Variants in HECW2 observed in about 807,000 individuals in gnomAD.
HECW2 encodes HECT, C2 and WW domain containing E3 ubiquitin protein ligase 2, also known as E3 ubiquitin-protein ligase HECW2.
A neutral mutation model predicts 175.2 loss-of-function variants in HECW2; 61 were observed. The observed-to-expected ratio is 0.35, with a 90% CI of 0.28 to 0.43. HECW2 has a LOEUF of 0.43. HECW2 is among the 20% of genes least tolerant of loss of function. The probability of loss-of-function intolerance (pLI) is 1.00; values close to 1 mark genes in which losing one functional copy is unlikely to be tolerated. For missense variants in HECW2, 1,524 were observed against 2,000.5 expected (o/e 0.76, Z 4.54); for synonymous variants, 671 against 731.0 (o/e 0.92, Z 1.32).
intron 1 of HECW2, among the ~76,000 whole-genome samples, chr2:196,433,728 G>C (rs1050657599): frequency 6.6e-6 from 1 of 152,128 alleles, no homozygotes; most frequent in South Asian, 2.1e-4. Flanking sequence ...AAGGAGGAGA[G>C]GATTTCCTTG....
At chr2:196,240,282 A>C in intron 21 of HECW2, 167 bp downstream of exon 21, 1 of 414,666 alleles carries the variant, frequency 2.4e-6, no homozygotes. Flanking sequence ...GTGATTTAAA[A>C]GCCAGAGGAG....
In HECW2 at chr2:196,386,063, C is replaced by T. The variant is rs535338445; in HGVS notation, c.293-42299G>A. On this transcript the variant is annotated intron_variant, in intron 2 of 28. Transcript: ENST00000644978. ...ATAACTTCATGAAGAATCGGACTAA[C>T]GAGATGGTAGAAAGACTAATTAACT... is the stretch of plus-strand genomic sequence containing the variant. Among the ~76,000 whole-genome samples, 8 of 152,178 alleles carry T rather than the reference C, an allele frequency of 5.3e-5. No homozygotes were observed. In the East Asian group the frequency reaches 5.8e-4, roughly 11 times the overall value.
chr2:196,511,555 A>G (rs1331030602), intron 1 of HECW2, among the ~76,000 whole-genome samples: 2 of 152,258 alleles, frequency 1.3e-5, no homozygotes, highest in African/African-American at 4.8e-5. Context: ...GCAGAGATGG[A>G]TCTTCACAGA....
intron 19 of HECW2, among the ~76,000 whole-genome samples, chr2:196,248,643 G>A (rs963871745): frequency 1.3e-5 from 2 of 150,450 alleles, no homozygotes; most frequent in Non-Finnish European, 3.0e-5. Context: ...GAGAGAGACA[G>A]AGAGGAATAG....
chr2:196,213,435 T>C (rs935977626), intron 28 of HECW2, among the ~76,000 whole-genome samples: 4 of 152,184 alleles, frequency 2.6e-5, no homozygotes, highest in South Asian at 2.1e-4. Context: ...TAGTGTGTCA[T>C]AGGGCTTAGA....
intron 1 of HECW2, among the ~76,000 whole-genome samples, chr2:196,489,138 G>A (rs148198472): frequency 1.3e-5 from 2 of 152,292 alleles, no homozygotes; most frequent in Non-Finnish European, 2.9e-5. Context: ...GAGGTAATAA[G>A]TCCTTGGCAT....
intron 2 of HECW2, among the ~76,000 whole-genome samples, chr2:196,416,257 T>C (rs994132633): frequency 6.6e-6 from 1 of 152,186 alleles, no homozygotes; most frequent in African/African-American, 2.4e-5. Flanking sequence ...CTCTCTCCTA[T>C]GCCTAGGGCT....
intron 3 of HECW2, among the ~76,000 whole-genome samples, chr2:196,335,228 A>G (rs772987477): frequency 7.9e-5 from 12 of 152,202 alleles, no homozygotes; most frequent in Admixed American, 3.3e-4. Flanking sequence ...TTTTTTTCTG[A>G]TAATTCCACT....
chr2:196,260,232 A>AT (rs1237003188), intron 17 of HECW2: 2 of 152,218 alleles, frequency 1.3e-5, no homozygotes, highest in Non-Finnish European at 2.9e-5. Flanking sequence ...AACTGGTCTG[A>AT]TTTTTCAGGT....
intron 1 of HECW2, among the ~76,000 whole-genome samples, chr2:196,515,631 G>T (rs1424142978): frequency 6.6e-6 from 1 of 152,062 alleles, no homozygotes; most frequent in Non-Finnish European, 1.5e-5. Context: ...TTCTCCAACA[G>T]GCAAATTCTT....
At chr2:196,443,656 C>G (rs1474154084) in intron 1 of HECW2, among the ~76,000 whole-genome samples, 1 of 152,186 alleles carries the variant, frequency 6.6e-6, no homozygotes, top group Non-Finnish European at 1.5e-5. Context: ...ATAGTCTATT[C>G]AAGTGTCAAA....
chr2:196,510,047 T>G (rs566203105), intron 1 of HECW2, among the ~76,000 whole-genome samples: 1 of 152,290 alleles, frequency 6.6e-6, no homozygotes, highest in Non-Finnish European at 1.5e-5. Context: ...TTTACCACTT[T>G]TGGAAGAAAC....
intron 17 of HECW2, among the ~76,000 whole-genome samples, chr2:196,266,589 C>T (rs1689527049): frequency 6.6e-6 from 1 of 152,104 alleles, no homozygotes; most frequent in African/African-American, 2.4e-5. Context: ...GAAGTAAATT[C>T]ATGCTATTTT....
intron 1 of HECW2, among the ~76,000 whole-genome samples, chr2:196,540,435 CT>C (rs757731374): frequency 5.9e-5 from 9 of 151,838 alleles, no homozygotes; most frequent in Non-Finnish European, 8.8e-5. Flanking sequence ...ATTTTTCTTT[CT>C]TTTTTTTATT....
intron 1 of HECW2, among the ~76,000 whole-genome samples, chr2:196,554,281 G>A (rs1689717582): frequency 6.6e-6 from 1 of 151,788 alleles, no homozygotes; most frequent in South Asian, 2.1e-4. Flanking sequence ...AGCGGAGATC[G>A]CGCCACAGCA....
chr2:196,234,492 A>G (rs1251267982), intron 21 of HECW2, among the ~76,000 whole-genome samples: 1 of 151,972 alleles, frequency 6.6e-6, no homozygotes. Context: ...ATGGGGTCTC[A>G]CTATGTTGCC....
At chr2:196,271,135 C>T in intron 17 of HECW2, 58 bp downstream of exon 17, 1 of 1,000,050 alleles carries the variant, frequency 1.0e-6, no homozygotes, top group South Asian at 1.4e-5. Flanking sequence ...ATCAGTAAAA[C>T]TAAGATTTAA....
intron 1 of HECW2, among the ~76,000 whole-genome samples, chr2:196,478,649 T>G (rs1416081296): frequency 1.3e-5 from 2 of 151,830 alleles, no homozygotes; most frequent in South Asian, 2.1e-4. Flanking sequence ...AAAAAAAGTA[T>G]GTCAAAAGAG....
chr2:196,564,181 A>G (rs778038439), intron 1 of HECW2, among the ~76,000 whole-genome samples: 5 of 152,236 alleles, frequency 3.3e-5, no homozygotes, highest in African/African-American at 4.8e-5. Context: ...CAAATCCAGA[A>G]TATAGAACAT....
Sources: allele counts gnomAD v4.1 joint callset (sites outside exome capture counted in the v4.1 genomes callset), GRCh38; gene constraint gnomAD v4.1.1; transcripts MANE v1.5; gene names NCBI Gene and HGNC (gene_info 2026-07-23, HGNC 2026-07-21).